WDPCP: variants seen among roughly 807,000 people sequenced by gnomAD.
The protein encoded by WDPCP is WD repeat containing planar cell polarity effector.
In WDPCP, 71 loss-of-function variants were observed where a neutral mutation model predicts 93.1. The ratio of observed to expected loss-of-function variants is 0.76; its 90% CI spans 0.63 to 0.93. The LOEUF (loss-of-function observed/expected upper bound fraction) is 0.93. Ranked by LOEUF, WDPCP falls within the 40% of genes least tolerant of loss-of-function variation. The pLI is 0.00. For missense variants in WDPCP, 844 were observed against 887.4 expected (o/e 0.95, Z 0.62); for synonymous variants, 315 against 315.0 (o/e 1.00, Z 0.00).
At chr2:63,493,891 TGACAAAGTTTGAAAAATATTTTAA>T (rs1701046089) in intron 1 of WDPCP, among the ~76,000 whole-genome samples, 1 of 152,172 alleles carries the variant, frequency 6.6e-6, no homozygotes, top group South Asian at 2.1e-4. Flanking sequence ...AACTTCCGAA[TGACAAAGTTTGAAAAATATTTTAA>T]GACATATTTT....
chr2:63,369,511 A>C (rs1691208247), intron 12 of WDPCP: 1 of 456,662 alleles, frequency 2.2e-6, no homozygotes, highest in East Asian at 6.9e-5. Flanking sequence ...AAAGAAAATG[A>C]GAGTAATAAA....
intron 12 of WDPCP, among the ~76,000 whole-genome samples, chr2:63,335,909 A>G (rs1688329016): frequency 6.6e-6 from 1 of 152,122 alleles, no homozygotes; most frequent in Admixed American, 6.5e-5. Context: ...CAAAACCAAA[A>G]TGGCAACGAG....
chr2:63,290,421 G>C (rs1244174059), intron 13 of WDPCP, among the ~76,000 whole-genome samples: 1 of 151,796 alleles, frequency 6.6e-6, no homozygotes, highest in Non-Finnish European at 1.5e-5. Flanking sequence ...ACAATGTATT[G>C]TTATTACTTT....
At chr2:63,633,233 T>A (rs1424211191) in intron 3 of WDPCP, among the ~76,000 whole-genome samples, 1 of 152,182 alleles carries the variant, frequency 6.6e-6, no homozygotes, top group Non-Finnish European at 1.5e-5. Flanking sequence ...AAGGGAGTTA[T>A]TCAAGCTAAA....
At chr2:63,543,043 T>C (rs1704863071) in intron 1 of WDPCP, among the ~76,000 whole-genome samples, 1 of 152,182 alleles carries the variant, frequency 6.6e-6, no homozygotes, top group South Asian at 2.1e-4. Context: ...AGAGAAGTAG[T>C]AAAACATTAT....
intron 1 of WDPCP, among the ~76,000 whole-genome samples, chr2:63,522,375 C>T (rs1260031395): frequency 6.6e-6 from 1 of 151,124 alleles, no homozygotes; most frequent in Non-Finnish European, 1.5e-5. Context: ...CAAGAGCAAA[C>T]AAACCCCAAA....
At position 63,423,171 on chromosome 2, in the gene WDPCP, C is replaced by G. The variant is rs190423131; in HGVS notation, c.825+10574G>C. On this transcript the variant is annotated intron_variant, in intron 9 of 17. Transcript: ENST00000272321. ...GTTTCCTTTGTAATAGCTCATTAAA[C>G]TATGCATTTATTTTGTGTGGTTTTA... is the stretch of plus-strand genomic sequence containing the variant. Among the ~76,000 whole-genome samples, 603 of 152,256 alleles carry G rather than the reference C, an allele frequency of 4.0e-3. 7 individuals are homozygous for G. Among genetic ancestry groups the G allele is most frequent in the Non-Finnish European group, 2.9e-3 (196 of 68,014 alleles).
intron 13 of WDPCP, among the ~76,000 whole-genome samples, chr2:63,308,206 C>G (rs552606387): frequency 6.6e-6 from 1 of 152,162 alleles, no homozygotes; most frequent in Non-Finnish European, 1.5e-5. Context: ...TACCATCTCA[C>G]GCCAGTTAGA....
intron 3 of WDPCP, among the ~76,000 whole-genome samples, chr2:63,596,139 G>A (rs145816932): frequency 5.3e-5 from 8 of 152,202 alleles, no homozygotes; most frequent in Non-Finnish European, 7.4e-5. Context: ...AAATTTGATC[G>A]AAAAGTTTAT....
At chr2:63,254,966 G>A (rs978688362) in intron 14 of WDPCP, among the ~76,000 whole-genome samples, 8 of 152,110 alleles carry the variant, frequency 5.3e-5, no homozygotes, top group African/African-American at 7.2e-5. Flanking sequence ...ATTCTGGAAC[G>A]TAAGGTTAGT....
At chr2:63,706,709 C>T (rs1397692794) in intron 2 of WDPCP, among the ~76,000 whole-genome samples, 84 of 150,034 alleles carry the variant, frequency 5.6e-4, no homozygotes, top group Non-Finnish European at 9.9e-4. Context: ...CTCCGCTTCC[C>T]GGGTTCACGC....
At position 63,709,427 on chromosome 2, in the gene WDPCP, A is replaced by G. The variant is rs566494353; in HGVS notation, n.309-58589T>C. On this transcript the variant is annotated intron_variant and non_coding_transcript_variant, in intron 2 of 4. Coordinates refer to the WDPCP transcript ENST00000467687. ...ATATTTGACATTTTATTTGGGGGCT[A>G]GATTCATGCACATTTCATATCTAGT... 6.6e-5 allele frequency among the ~76,000 whole-genome samples: 10 copies of G among 152,308 alleles called. No individual in the cohort carries two copies. The East Asian group carries it at 1.9e-3, about 29-fold the overall frequency.
chr2:63,297,015 G>A (rs867706577), intron 13 of WDPCP, among the ~76,000 whole-genome samples: 2 of 152,170 alleles, frequency 1.3e-5, no homozygotes, highest in African/African-American at 4.8e-5. Flanking sequence ...GAAGCTGAAA[G>A]CATCACATTA....
intron 14 of WDPCP, among the ~76,000 whole-genome samples, chr2:63,236,126 C>T (rs1271101494): frequency 1.3e-5 from 2 of 152,148 alleles, no homozygotes. Context: ...TAAATGACTT[C>T]TGTAAAGTTT....
intron 2 of WDPCP, among the ~76,000 whole-genome samples, chr2:63,652,091 T>C (rs879662639): frequency 5.9e-5 from 9 of 152,256 alleles, no homozygotes; most frequent in Non-Finnish European, 8.8e-5. Context: ...GTTCAGATAA[T>C]GCAATATTGA....
In WDPCP at chr2:63,252,504, T is replaced by C. The variant is rs553382315; in HGVS notation, c.1915+6803A>G. On this transcript the variant is annotated intron_variant, in intron 14 of 17. Coordinates refer to ENST00000272321, the MANE Select transcript of WDPCP (RefSeq NM_015910.7). ...AGATTATCTCTCTTTGCTGATGATA[T>C]GATTCTGTACATAGAAAACCCTAAG... Among the ~76,000 whole-genome samples, 12 of 152,134 alleles carry C rather than the reference T, an allele frequency of 7.9e-5. No homozygotes were observed. The South Asian group carries it at 2.1e-3, about 26-fold the overall frequency.
At chr2:63,283,395 T>G (rs572557935) in intron 13 of WDPCP, among the ~76,000 whole-genome samples, 1 of 152,214 alleles carries the variant, frequency 6.6e-6, no homozygotes, top group African/African-American at 2.4e-5. Context: ...GTATAATTAT[T>G]CAAACATTCT....
chr2:63,552,187 A>G (rs1167944316), intron 1 of WDPCP, among the ~76,000 whole-genome samples: 2 of 150,080 alleles, frequency 1.3e-5, no homozygotes, highest in Non-Finnish European at 2.9e-5. Context: ...AAGTTATTTC[A>G]CTAGTATCAA....
chr2:63,405,532 A>AGTGTGTGTGTGTGT lies in WDPCP; in HGVS notation c.826-889_826-876dup, dbSNP rs55807956. 3.9e-3 allele frequency among the ~76,000 whole-genome samples: 488 copies of AGTGTGTGTGTGTGT among 124,996 alleles called. 11 individuals carry two copies. Among genetic ancestry groups the AGTGTGTGTGTGTGT allele is most frequent in the African/African-American group, 0.014 (458 of 31,748 alleles). The allele number at this position is 124,996 out of a possible 152,430, so 82.0% of individuals were successfully genotyped here. Reference sequence around the variant, plus strand: ...GCTAAGTATATGCAGATTTTGGTATAGTGTGTGTGTGTGTGTGTGTGTGTG... The same window carrying AGTGTGTGTGTGTGT: ...GCTAAGTATATGCAGATTTTGGTATAGTGTGTGTGTGTGTGTGTGTGTGTGTGTGTGTGTGTGTG... On this transcript the variant is annotated intron_variant, in intron 9 of 17. Transcript: ENST00000272321.
Sources: allele counts gnomAD v4.1 joint callset (sites outside exome capture counted in the v4.1 genomes callset), GRCh38; gene constraint gnomAD v4.1.1; transcripts MANE v1.5; gene names NCBI Gene and HGNC (gene_info 2026-07-23, HGNC 2026-07-21).